Variants in HK2 observed in about 807,000 individuals in gnomAD.
HK2 encodes the protein hexokinase 2, also known as hexokinase-2.
Under a neutral mutation model 92.9 loss-of-function variants are expected in HK2, and 42 were observed. That is an observed-to-expected ratio of 0.45 (90% CI 0.35 to 0.58). The LOEUF (loss-of-function observed/expected upper bound fraction) is 0.58, where lower values mean the gene tolerates loss of function less well. HK2 is among the 20% of genes least tolerant of loss of function. HK2 has a pLI of 0.00. For missense variants in HK2, 978 were observed against 1,245.1 expected, an observed-to-expected ratio of 0.79 and a Z score of 3.23; for synonymous variants, 422 against 468.0, an observed-to-expected ratio of 0.90 and a Z score of 1.27.
At chr2:74,886,713 A>G in intron 15 of HK2, 40 bp downstream of exon 15, 1 of 1,597,396 alleles carries the variant, frequency 6.3e-7, no homozygotes, top group Non-Finnish European at 8.6e-7. Flanking sequence ...GTATCCCAGG[A>G]CTGGATGGCA....
At chr2:74,857,412 C>A (rs1688720117) in intron 2 of HK2, among the ~76,000 whole-genome samples, 1 of 152,190 alleles carries the variant, frequency 6.6e-6, no homozygotes. Context: ...GTATATATGA[C>A]AACTCAGCAA....
chr2:74,878,950 C>G (rs920352707), intron 9 of HK2, 29 bp downstream of exon 9: 34 of 1,526,692 alleles, frequency 2.2e-5, no homozygotes, highest in Non-Finnish European at 2.8e-5. Flanking sequence ...CCTGGAGATG[C>G]GGAGTTCCTG....
rs1293325334 is a variant in HK2 at position 74,893,196 on chromosome 2, G to C, written c.*2255G>C. 6.6e-6 allele frequency: 1 copy of C among 152,180 alleles called. No homozygotes were observed. Among genetic ancestry groups the C allele is most frequent in the Admixed American group, 6.5e-5 (1 of 15,282 alleles). 9.4% of individuals were successfully genotyped at this position (152,180 alleles called of 1,614,324 possible). ...CATGGCTTTGCTTTGTGTAAATACA[G>C]TGGATCTCAATCTTCGGGGTGTGAT... is the stretch of plus-strand genomic sequence containing the variant. On this transcript the variant is annotated 3_prime_UTR_variant, in exon 18 of 18. Coordinates refer to ENST00000290573, the MANE Select transcript of HK2 (RefSeq NM_000189.5).
rs1046880401 is a variant in HK2 at position 74,872,566 on chromosome 2, C to T, written c.495+147C>T. 7.3e-6 allele frequency: 7 copies of T among 953,452 alleles called. No individual in the cohort carries two copies. The East Asian group carries it at 1.0e-4, about 14-fold the overall frequency. The allele number at this position is 953,452 out of a possible 1,614,324, so 59.1% of individuals were successfully genotyped here. ...TGCCTTTCTGGGTGACTGTGTATGT[C>T]GATGGGGGGGCTGGTGAAGAAATCT... On this transcript the variant is annotated intron_variant, in intron 4 of 17. Coordinates refer to ENST00000290573, the MANE Select transcript of HK2 (RefSeq NM_000189.5).
chr2:74,887,974 G>T lies in HK2; in HGVS notation c.2291G>T (p.Arg764Leu). Reference protein sequence around the residue: ...VRNILIDFTKRGLLFRGRISE... With the variant: ...VRNILIDFTKLGLLFRGRISE... The stretch of plus-strand genomic sequence containing the variant: ...AACATTCTCATCGATTTCACCAAGC[G>T]TGGACTACTCTTCCGAGGCCGCATC... The change falls in exon 16 of 18, where the codon CGT becomes CTT. Residue 764 changes from arginine (R) to leucine (L), a missense_variant. Physicochemically the swap from Arg to Leu is moderately radical, Grantham distance 102. This residue lies in a region of HK2 where 742 missense variants were observed against 922.5 expected (regional missense o/e 0.80). Coordinates refer to ENST00000290573, the MANE Select transcript of HK2 (RefSeq NM_000189.5). 1.2e-6 allele frequency: 2 copies of T among 1,614,028 alleles called. No homozygotes were observed. The highest frequency in any genetic ancestry group is 1.7e-6 in the Non-Finnish European group (2 of 1,179,924).
rs539169588 is a variant in HK2, at chr2:74,840,306, G to A, written c.63+5663G>A. On this transcript the variant is annotated intron_variant, in intron 1 of 17. Transcript: ENST00000290573. ...CACTTTTCAAAGTTGAACTTTTCCA[G>A]TACTCTGGGGAGTTTGGGGCAATTG... Among the ~76,000 whole-genome samples the A allele has an allele frequency of 5.4e-5, 8 of 148,920 alleles. No homozygotes were observed. The South Asian group carries it at 1.7e-3, about 32-fold the overall frequency.
At chr2:74,870,812 G>C (rs1337031467) in intron 3 of HK2, among the ~76,000 whole-genome samples, 1 of 152,164 alleles carries the variant, frequency 6.6e-6, no homozygotes, top group East Asian at 1.9e-4. Context: ...CCCAGCCTTT[G>C]CTCTTGAAAA....
In HK2 at chr2:74,881,969, C is replaced by T. The variant is rs1207138589; in HGVS notation, c.1719+110C>T. 7.6e-6 allele frequency: 11 copies of T among 1,440,494 alleles called. 1 individual carries two copies. The Admixed American group carries it at 1.7e-4, about 23-fold the overall frequency. The allele number at this position is 1,440,494 out of a possible 1,614,324, so 89.2% of individuals were successfully genotyped here. The stretch of plus-strand genomic sequence containing the variant: ...TGACCCTGGGGAGGGCTAGCTGGAC[C>T]CAGGGCTGCAGCCTGGTCTTGACTC... On this transcript the variant is annotated intron_variant, in intron 11 of 17. Transcript: ENST00000290573.
chr2:74,881,582 A>T (rs1359394469), intron 10 of HK2, 129 bp from the exon 11 acceptor site: 3 of 897,598 alleles, frequency 3.3e-6, no homozygotes, highest in Non-Finnish European at 5.5e-6. Flanking sequence ...TTCCTTCTGT[A>T]TTCTAGAATG....
intron 2 of HK2, among the ~76,000 whole-genome samples, chr2:74,860,182 TG>T (rs1234725345): frequency 2.1e-4 from 3 of 13,982 alleles, no homozygotes; most frequent in African/African-American, 1.2e-3. Flanking sequence ...GGTAGGAGGG[TG>T]GGGGGCATGA....
intron 1 of HK2, among the ~76,000 whole-genome samples, chr2:74,853,265 C>G (rs1573362877): frequency 6.6e-6 from 1 of 151,974 alleles, no homozygotes; most frequent in African/African-American, 2.4e-5. Flanking sequence ...TCCTTTAATC[C>G]CAGCACTTTG....
rs138876725 is a variant in HK2 at position 74,868,196 on chromosome 2, T to C, written c.375+412T>C. 1.2e-3 allele frequency among the ~76,000 whole-genome samples: 180 copies of C among 152,258 alleles called. 1 individual carries two copies. The highest frequency in any genetic ancestry group is 4.0e-3 in the African/African-American group (167 of 41,548). On this transcript the variant is annotated intron_variant, in intron 3 of 17. Transcript: ENST00000290573. ...ATATTTTTAGACTCATTATTTGTCT[T>C]TGGGGTGGCCTTGAGGTAAACCTGC...
intron 3 of HK2, among the ~76,000 whole-genome samples, chr2:74,870,865 A>G (rs755274336): frequency 6.6e-6 from 1 of 152,060 alleles, no homozygotes. Flanking sequence ...AGCTGTTGTT[A>G]ACTTTGCATG....
chr2:74,836,928 C>T (rs930737529), intron 1 of HK2, among the ~76,000 whole-genome samples: 4 of 152,266 alleles, frequency 2.6e-5, no homozygotes, highest in Middle Eastern at 3.4e-3. Flanking sequence ...AGTCTGAGGA[C>T]GTGGAAGGCT....
chr2:74,844,840 C>G (rs759037764), intron 1 of HK2, among the ~76,000 whole-genome samples: 3 of 152,210 alleles, frequency 2.0e-5, no homozygotes, highest in Non-Finnish European at 4.4e-5. Flanking sequence ...CCTGGTCAGT[C>G]GGGAGTAGCC....
At position 74,878,719 on chromosome 2, in the gene HK2, G is replaced by T; in HGVS notation, c.1063G>T (p.Val355Phe). 1 of 1,607,278 alleles carries T rather than the reference G, an allele frequency of 6.2e-7. No individual in the cohort carries two copies. ...EKDGIRKARE[V>F]LMRLGLDPTQ... is the part of the protein sequence containing the mutation. ...GGATGGCATCCGGAAGGCCCGTGAG[G>T]TCCTGATGCGGTTGGGCCTGGACCC... The change falls in exon 9 of 18, where the codon GTC (valine) becomes TTC (phenylalanine). Residue 355 changes from valine to phenylalanine, a missense_variant. Val to Phe is a conservative substitution (Grantham distance 50). Around this residue, in one of 3 missense-constraint regions of HK2, gnomAD observed 742 missense variants for 922.5 expected, o/e 0.80. Transcript: ENST00000290573.
chr2:74,891,290 A>C lies in HK2; in HGVS notation c.*349A>C, dbSNP rs1689671358. ...ACACTAATGAAGATACGGTTGCTTC[A>C]CCTTGGAGCCTGAACATGACATTTC... is the stretch of plus-strand genomic sequence containing the variant. On this transcript the variant is annotated 3_prime_UTR_variant, in exon 18 of 18. Coordinates refer to ENST00000290573, the MANE Select transcript of HK2 (RefSeq NM_000189.5). 5.9e-6 allele frequency: 2 copies of C among 338,044 alleles called. No homozygotes were observed. 20.9% of individuals were successfully genotyped at this position (338,044 alleles called of 1,614,324 possible).
intron 9 of HK2, 139 bp from the exon 10 acceptor site, chr2:74,880,126 G>A (rs947007117): frequency 4.5e-6 from 4 of 892,410 alleles, no homozygotes; most frequent in Non-Finnish European, 7.4e-6. Flanking sequence ...GGACAGTGGA[G>A]AGAGGATGTT....
rs577292219 is a variant in HK2 at position 74,891,892 on chromosome 2, G to C, written c.*951G>C. The C allele has an allele frequency of 7.9e-5, 12 of 152,746 alleles. No individual in the cohort carries two copies. Among genetic ancestry groups the C allele is most frequent in the African/African-American group, 2.6e-4 (11 of 41,554 alleles). 9.5% of individuals were successfully genotyped at this position (152,746 alleles called of 1,614,324 possible). On this transcript the variant is annotated 3_prime_UTR_variant, in exon 18 of 18. Coordinates refer to ENST00000290573, the MANE Select transcript of HK2 (RefSeq NM_000189.5). The stretch of plus-strand genomic sequence containing the variant: ...CTCAGTGTAGTTAAAGGGCAGAAGG[G>C]GAAGATACTGACTAGTCATAGAAAT...
Sources: allele counts gnomAD v4.1 joint callset (sites outside exome capture counted in the v4.1 genomes callset), GRCh38; gene constraint gnomAD v4.1.1; regional missense constraint gnomAD v4.1.1; transcripts MANE v1.5; gene names NCBI Gene and HGNC (gene_info 2026-07-23, HGNC 2026-07-21).